Variants in C10orf90 observed in about 807,000 individuals in gnomAD.
C10orf90 encodes the protein chromosome 10 open reading frame 90, also known as (E2-independent) E3 ubiquitin-conjugating enzyme FATS.
In C10orf90, 56 loss-of-function variants were observed where a neutral mutation model predicts 62.5. The observed-to-expected ratio is 0.90, with a 90% CI of 0.72 to 1.12. The LOEUF is 1.12. Among genes scored for constraint, C10orf90 ranks in the 50% most tolerant of loss-of-function variants. The pLI is 0.00. For synonymous variants in C10orf90, 386 were observed against 340.4 expected (o/e 1.13, Z -1.47); for missense variants, 970 against 880.4 (o/e 1.10, Z -1.29).
chr10:126,477,840 T>C (rs1291721228), intron 4 of C10orf90, among the ~76,000 whole-genome samples: 1 of 152,182 alleles, frequency 6.6e-6, no homozygotes, highest in African/African-American at 2.4e-5. Context: ...CATAAACATA[T>C]CTGTAAAATC....
chr10:126,525,154 G>A (rs990008558), intron 2 of C10orf90, among the ~76,000 whole-genome samples: 4 of 152,116 alleles, frequency 2.6e-5, no homozygotes, highest in Non-Finnish European at 4.4e-5. Flanking sequence ...GGATGAGCAC[G>A]GATGAATTAT....
chr10:126,641,123 G>A (rs1278539369), intron 2 of C10orf90, among the ~76,000 whole-genome samples: 1 of 152,132 alleles, frequency 6.6e-6, no homozygotes, highest in Non-Finnish European at 1.5e-5. Flanking sequence ...TGTTAACAGA[G>A]AAGCTGCATT....
chr10:126,525,590 T>C (rs143147962), intron 2 of C10orf90, among the ~76,000 whole-genome samples: 6 of 152,150 alleles, frequency 3.9e-5, no homozygotes, highest in African/African-American at 9.6e-5. Context: ...AATCTCTCAT[T>C]ATAAGAGCCA....
At chr10:126,455,876 G>A (rs189737077) in intron 7 of C10orf90, among the ~76,000 whole-genome samples, 26 of 152,284 alleles carry the variant, frequency 1.7e-4, no homozygotes, top group Admixed American at 1.1e-3. Context: ...GAAGTACAGC[G>A]GGTCCCCTGA....
At position 126,478,504 on chromosome 10, in the gene C10orf90, T is replaced by C. The variant is rs531828847; in HGVS notation, c.1535-13518A>G. ...TGTAAGTGACATAGACTTTGTTCTT[T>C]ATTTTAAGTCTAAGAAAAAATATAT... On this transcript the variant is annotated intron_variant, in intron 4 of 9. Transcript: ENST00000488181. Among the ~76,000 whole-genome samples, 9 of 152,378 alleles carry C rather than the reference T, an allele frequency of 5.9e-5. No individual in the cohort carries two copies. In the South Asian group the frequency reaches 1.7e-3, roughly 28 times the overall value.
chr10:126,480,834 T>C (rs1395325123), intron 4 of C10orf90, among the ~76,000 whole-genome samples: 1 of 152,240 alleles, frequency 6.6e-6, no homozygotes, highest in Non-Finnish European at 1.5e-5. Context: ...ACTCTCTTGC[T>C]TTGTTGACTT....
intron 2 of C10orf90, among the ~76,000 whole-genome samples, chr10:126,516,021 C>G (rs760597868): frequency 6.6e-6 from 1 of 152,306 alleles, no homozygotes; most frequent in East Asian, 1.9e-4. Flanking sequence ...GACAATAAAG[C>G]TGATGAAGAC....
At chr10:126,516,947 T>C (rs1320345634) in intron 2 of C10orf90, among the ~76,000 whole-genome samples, 1 of 152,098 alleles carries the variant, frequency 6.6e-6, no homozygotes, top group Admixed American at 6.6e-5. Context: ...CCCTTCTTCC[T>C]CCCTCTTGTA....
At chr10:126,650,427 T>TTAA (rs568382509) in intron 1 of C10orf90, among the ~76,000 whole-genome samples, 209 of 152,312 alleles carry the variant, frequency 1.4e-3, no homozygotes, top group Admixed American at 0.011. Flanking sequence ...TTGAGGGCAA[T>TTAA]TAATCCTCAC....
intron 4 of C10orf90, among the ~76,000 whole-genome samples, chr10:126,493,289 G>A (rs1861860561): frequency 6.6e-6 from 1 of 151,832 alleles, no homozygotes; most frequent in African/African-American, 2.4e-5. Flanking sequence ...TCTCTGGGCA[G>A]TAGGATTATG....
chr10:126,439,081 C>G (rs147731891), intron 7 of C10orf90, among the ~76,000 whole-genome samples: 10 of 152,268 alleles, frequency 6.6e-5, no homozygotes, highest in Non-Finnish European at 1.2e-4. Context: ...CCCCCTTGGC[C>G]ATAACGTTCC....
intron 1 of C10orf90, among the ~76,000 whole-genome samples, chr10:126,668,705 G>A (rs1307306093): frequency 5.3e-5 from 8 of 152,158 alleles, no homozygotes; most frequent in African/African-American, 1.9e-4. Flanking sequence ...GGGAGTCATG[G>A]ACACAGTGAG....
chr10:126,535,972 T>C (rs1300864646), intron 2 of C10orf90, among the ~76,000 whole-genome samples: 1 of 152,156 alleles, frequency 6.6e-6, no homozygotes, highest in Non-Finnish European at 1.5e-5. Context: ...AATCTAGATG[T>C]GCACTGAAGT....
At chr10:126,432,561 C>A (rs964773541) in intron 7 of C10orf90, among the ~76,000 whole-genome samples, 1 of 152,162 alleles carries the variant, frequency 6.6e-6, no homozygotes, top group Non-Finnish European at 1.5e-5. Flanking sequence ...GGCAAGAAGT[C>A]CCCGCAGGGG....
At chr10:126,615,147 T>G (rs73386874) in intron 2 of C10orf90, among the ~76,000 whole-genome samples, 7,406 of 152,174 alleles carry the variant, frequency 0.049, 527 homozygotes, top group African/African-American at 0.16. Context: ...TTCCAGAAAT[T>G]AGAGAGGATG....
At chr10:126,525,975 G>A (rs1391162774) in intron 2 of C10orf90, among the ~76,000 whole-genome samples, 1 of 149,242 alleles carries the variant, frequency 6.7e-6, no homozygotes, top group African/African-American at 2.5e-5. Context: ...AAATGGGTAG[G>A]CACATAAGAA....
At chr10:126,581,960 G>A (rs1844762042) in intron 2 of C10orf90, among the ~76,000 whole-genome samples, 1 of 152,142 alleles carries the variant, frequency 6.6e-6, no homozygotes, top group African/African-American at 2.4e-5. Context: ...TGGCAGCTGT[G>A]GTGACAATTT....
At chr10:126,633,528 C>T (rs2133832999) in intron 2 of C10orf90, among the ~76,000 whole-genome samples, 1 of 152,304 alleles carries the variant, frequency 6.6e-6, no homozygotes, top group South Asian at 2.1e-4. Flanking sequence ...AGAAGAGTGG[C>T]CCCTCCTGTA....
At chr10:126,622,959 C>T (rs1281585506) in intron 2 of C10orf90, among the ~76,000 whole-genome samples, 2 of 152,204 alleles carry the variant, frequency 1.3e-5, no homozygotes, top group Non-Finnish European at 2.9e-5. Flanking sequence ...TGGAAAGCTT[C>T]GCACGAAATA....
Sources: gnomAD v4.1 joint callset for allele counts (sites outside exome capture counted in the v4.1 genomes callset) on GRCh38, gnomAD v4.1.1 for gene constraint, MANE v1.5 for transcripts, NCBI Gene and HGNC (gene_info 2026-07-23, HGNC 2026-07-21) for gene names.